The following BRD10 variants were observed in gnomAD, a reference collection of about 807,000 sequenced individuals.
BRD10 encodes uncharacterized bromodomain-containing protein 10.
At chr9:6,007,424 C>A in the BRD10 span, 2 of 1,606,910 alleles carry the variant, frequency 1.2e-6, no homozygotes, top group Non-Finnish European at 1.7e-6. Context: ...CCCCGGCCCC[C>A]GCTGCGCGGC....
chr9:6,007,473 C>G, the BRD10 span: 1 of 1,610,874 alleles, frequency 6.2e-7, no homozygotes, highest in Non-Finnish European at 8.5e-7. Flanking sequence ...CAACGCCCCC[C>G]AAGGGCTGCA....
chr9:5,892,807 T>A, the BRD10 span, among the ~76,000 whole-genome samples: 1 of 152,200 alleles, frequency 6.6e-6, no homozygotes. Flanking sequence ...CTTTTGACTA[T>A]TGGGTCTTAT....
At chr9:6,007,094 T>G in the BRD10 span, 1 of 1,225,688 alleles carries the variant, frequency 8.2e-7, no homozygotes, top group South Asian at 1.4e-5. Flanking sequence ...TCAGCACCTA[T>G]CAGCGCCGCC....
the BRD10 span, chr9:5,922,185 T>C: frequency 6.2e-7 from 1 of 1,613,992 alleles, no homozygotes; most frequent in Non-Finnish European, 8.5e-7. Flanking sequence ...ATGCACACAG[T>C]TTTCAGCTCT....
chr9:6,005,634 C>T, the BRD10 span, among the ~76,000 whole-genome samples: 13 of 152,336 alleles, frequency 8.5e-5, no homozygotes, highest in Admixed American at 7.2e-4. Flanking sequence ...ATTATTCCCA[C>T]ATCTGATAGA....
At chr9:5,920,459 C>T in the BRD10 span, 1 of 1,613,940 alleles carries the variant, frequency 6.2e-7, no homozygotes, top group Non-Finnish European at 8.5e-7. Context: ...GGTAGTGCCA[C>T]CTGGAGCAGA....
chr9:5,985,452 G>T, the BRD10 span, among the ~76,000 whole-genome samples: 1 of 152,172 alleles, frequency 6.6e-6, no homozygotes, highest in Non-Finnish European at 1.5e-5. Context: ...AAACACTTGT[G>T]AACACATATA....
At chr9:5,920,997 C>G in the BRD10 span, 1 of 1,613,924 alleles carries the variant, frequency 6.2e-7, no homozygotes. Flanking sequence ...GCTGAGGTCA[C>G]TGGAAAGGAA....
chr9:5,884,783 C>A, the BRD10 span, among the ~76,000 whole-genome samples: 5 of 152,204 alleles, frequency 3.3e-5, no homozygotes, highest in East Asian at 9.6e-4. Context: ...GTAATCTCAA[C>A]CTTCCTGTGA....
chr9:5,940,345 C>T, the BRD10 span, among the ~76,000 whole-genome samples: 1 of 152,132 alleles, frequency 6.6e-6, no homozygotes, highest in Non-Finnish European at 1.5e-5. Flanking sequence ...AGGCACGCGC[C>T]ACTACAGCCT....
chr9:5,998,278 A>G, the BRD10 span, among the ~76,000 whole-genome samples: 1 of 82,302 alleles, frequency 1.2e-5, no homozygotes, highest in Non-Finnish European at 2.9e-5. Context: ...TTATTGCCCC[A>G]GGATGTACAC....
At chr9:6,007,216 T>C in the BRD10 span, 1 of 1,613,350 alleles carries the variant, frequency 6.2e-7, no homozygotes, top group Non-Finnish European at 8.5e-7. Flanking sequence ...CGCTAACTTC[T>C]GCTCCAGCAT....
At chr9:5,923,987 A>C in the BRD10 span, among the ~76,000 whole-genome samples, 2 of 152,208 alleles carry the variant, frequency 1.3e-5, no homozygotes, top group Non-Finnish European at 2.9e-5. Context: ...CAGGTAATCT[A>C]ATCCAGCCCT....
the BRD10 span, chr9:5,892,464 G>A: frequency 6.2e-7 from 1 of 1,612,056 alleles, no homozygotes; most frequent in East Asian, 2.2e-5. Flanking sequence ...CCTGTGCCCT[G>A]ACCCTACAAG....
At chr9:5,954,784 T>G in the BRD10 span, among the ~76,000 whole-genome samples, 3 of 152,106 alleles carry the variant, frequency 2.0e-5, no homozygotes, top group Non-Finnish European at 4.4e-5. Flanking sequence ...AAAAAATACA[T>G]ACATGCATAA....
the BRD10 span, among the ~76,000 whole-genome samples, chr9:5,945,867 G>A: frequency 6.6e-6 from 1 of 151,842 alleles, no homozygotes; most frequent in African/African-American, 2.4e-5. Context: ...TCAGATTAAT[G>A]AAAAGTCTTA....
the BRD10 span, chr9:5,922,697 A>G: frequency 1.9e-6 from 3 of 1,613,880 alleles, no homozygotes; most frequent in Admixed American, 1.7e-5. Flanking sequence ...AACTTGCTGC[A>G]TGATTTTTTC....
the BRD10 span, among the ~76,000 whole-genome samples, chr9:5,887,536 G>C: frequency 6.6e-6 from 1 of 152,162 alleles, no homozygotes; most frequent in Admixed American, 6.5e-5. Context: ...AGTCATATAT[G>C]GGCCAGGCTA....
the BRD10 span, among the ~76,000 whole-genome samples, chr9:5,977,208 C>A: frequency 6.6e-6 from 1 of 152,156 alleles, no homozygotes; most frequent in Non-Finnish European, 1.5e-5. Flanking sequence ...TGTGATAATG[C>A]CATCTGTGTG....
Sources: gnomAD v4.1 joint callset for allele counts (sites outside exome capture counted in the v4.1 genomes callset) on GRCh38, gnomAD v4.1.1 for gene constraint, MANE v1.5 for transcripts, NCBI Gene and HGNC (gene_info 2026-07-23, HGNC 2026-07-21) for gene names.